Variants in ALPK1 observed in about 807,000 individuals in gnomAD.
ALPK1 encodes alpha kinase 1.
A neutral mutation model predicts 120.6 loss-of-function variants in ALPK1; 110 were observed. The observed-to-expected ratio is 0.91, with a 90% CI of 0.78 to 1.07. The LOEUF is 1.07. Ranked by LOEUF, ALPK1 falls within the 50% of genes least tolerant of loss-of-function variation. ALPK1 has a pLI of 0.00. For synonymous variants in ALPK1, 582 were observed against 560.3 expected (o/e 1.04, Z -0.55); for missense variants, 1,498 against 1,483.9 (o/e 1.01, Z -0.16).
intron 12 of ALPK1, among the ~76,000 whole-genome samples, chr4:112,436,669 G>A (rs903559545): frequency 2.0e-5 from 3 of 152,224 alleles, no homozygotes; most frequent in Non-Finnish European, 4.4e-5. Flanking sequence ...GCCTGAAACA[G>A]ATTCTTCCTT....
chr4:112,430,624 C>T lies in ALPK1; in HGVS notation c.1077C>T (p.Phe359=), dbSNP rs755631803. Residue 359 remains phenylalanine, a synonymous_variant, in exon 11 of 16, where the codon TTC becomes TTT. Transcript: ENST00000650871. ...QELHSFVKAA[F]GLTTVHRRLH... Reference sequence around the variant, plus strand: ...TTCACAGCTTTGTCAAAGCTGCTTTCGGTCTCACCACAGTGCACAGAAGGC... The same window carrying T: ...TTCACAGCTTTGTCAAAGCTGCTTTTGGTCTCACCACAGTGCACAGAAGGC... 61 of 1,614,002 alleles carry T rather than the reference C, an allele frequency of 3.8e-5. No homozygotes were observed. Among genetic ancestry groups the T allele is most frequent in the Admixed American group, 6.7e-5 (4 of 59,994 alleles).
chr4:112,433,506 A>G (rs772789213), intron 11 of ALPK1, among the ~76,000 whole-genome samples: 1 of 152,172 alleles, frequency 6.6e-6, no homozygotes, highest in Non-Finnish European at 1.5e-5. Flanking sequence ...AGACTACAGT[A>G]CCCCTACTGT....
intron 5 of ALPK1, among the ~76,000 whole-genome samples, chr4:112,418,342 T>A (rs1578556083): frequency 6.6e-6 from 1 of 152,200 alleles, no homozygotes; most frequent in Admixed American, 6.5e-5. Flanking sequence ...CTTTACAGAG[T>A]GCCAGGGGAA....
intron 2 of ALPK1, chr4:112,358,099 C>G: frequency 1.7e-6 from 1 of 584,726 alleles, no homozygotes; most frequent in Non-Finnish European, 3.3e-6. Flanking sequence ...CCTTAAGATG[C>G]GAGATGAAGG....
At chr4:112,342,075 GAGA>G (rs1267260000) in intron 2 of ALPK1, among the ~76,000 whole-genome samples, 25 of 152,268 alleles carry the variant, frequency 1.6e-4, no homozygotes, top group African/African-American at 6.0e-4. Context: ...AAATCATACA[GAGA>G]AGAAGAGAAT....
intron 4 of ALPK1, among the ~76,000 whole-genome samples, chr4:112,407,383 TG>T (rs139871861): frequency 0.016 from 2,432 of 152,222 alleles, 27 homozygotes; most frequent in Middle Eastern, 0.031. Context: ...GAAACTGAGG[TG>T]GGAGGATCAC....
At position 112,311,368 on chromosome 4, in the gene ALPK1, A is replaced by G. The variant is rs540415354; in HGVS notation, c.-152-4433A>G. Among the ~76,000 whole-genome samples the G allele has an allele frequency of 5.3e-5, 8 of 152,268 alleles. No homozygotes were observed. The South Asian group carries it at 6.2e-4, about 12-fold the overall frequency. ...CCTTTCTGTTACAATGCTTATATAT[A>G]TTATCTTAATACTCACTACAGTTTT... On this transcript the variant is annotated intron_variant, in intron 1 of 15. Coordinates refer to ENST00000650871, the MANE Select transcript of ALPK1 (RefSeq NM_025144.4).
At chr4:112,398,756 G>A (rs1560670307) in intron 4 of ALPK1, among the ~76,000 whole-genome samples, 1 of 152,192 alleles carries the variant, frequency 6.6e-6, no homozygotes, top group Non-Finnish European at 1.5e-5. Context: ...AAGCAAGACT[G>A]TAACAGTGGC....
intron 2 of ALPK1, chr4:112,358,063 C>T (rs899851060): frequency 2.7e-5 from 16 of 584,890 alleles, no homozygotes; most frequent in Middle Eastern, 2.8e-4. Context: ...GCCTCCATAG[C>T]CCCCACGCAT....
chr4:112,427,413 AT>A (rs1734287015), intron 8 of ALPK1, among the ~76,000 whole-genome samples, 156 bp from the exon 9 acceptor site: 1 of 32,850 alleles, frequency 3.0e-5, no homozygotes, highest in South Asian at 7.8e-4. Context: ...ATTTTTAAAA[AT>A]TGATTTTTAA....
chr4:112,316,729 T>C (rs888280381), intron 2 of ALPK1, among the ~76,000 whole-genome samples: 4 of 152,178 alleles, frequency 2.6e-5, no homozygotes, highest in Non-Finnish European at 4.4e-5. Context: ...ATTAGTGATA[T>C]TGGGGACTTT....
chr4:112,379,039 T>C (rs929043090), intron 3 of ALPK1, among the ~76,000 whole-genome samples: 39 of 152,216 alleles, frequency 2.6e-4, no homozygotes, highest in African/African-American at 9.2e-4. Context: ...TTGGCACCTA[T>C]AGAATATGCT....
chr4:112,325,261 A>G (rs771939888), intron 2 of ALPK1, among the ~76,000 whole-genome samples: 8 of 152,182 alleles, frequency 5.3e-5, no homozygotes, highest in Non-Finnish European at 8.8e-5. Context: ...CACGTACCAA[A>G]TTTCTTTGAA....
intron 2 of ALPK1, among the ~76,000 whole-genome samples, chr4:112,362,993 A>G (rs973941124): frequency 2.6e-5 from 4 of 152,266 alleles, no homozygotes; most frequent in African/African-American, 9.6e-5. Flanking sequence ...ATTAAGCTTC[A>G]TAAATGAAGG....
rs939617543 is a variant in ALPK1 at position 112,441,435 on chromosome 4, C to T, written c.*225C>T. ...CAAGGAAAGCAACATGGAAAACAGC[C>T]CCAACTCACCCATGAGGGATGAAAA... On this transcript the variant is annotated 3_prime_UTR_variant, in exon 16 of 16. Transcript: ENST00000650871. 3 of 593,522 alleles carry T rather than the reference C, an allele frequency of 5.1e-6. No homozygotes were observed. Among genetic ancestry groups the T allele is most frequent in the Admixed American group, 5.9e-5 (2 of 33,834 alleles). 36.8% of individuals were successfully genotyped at this position (593,522 alleles called of 1,614,324 possible). A position where few individuals can be genotyped will look rare whatever the true frequency, so the allele number is the denominator to read the frequency against.
At chr4:112,437,474 G>T (rs1046014024) in intron 12 of ALPK1, among the ~76,000 whole-genome samples, 1 of 152,194 alleles carries the variant, frequency 6.6e-6, no homozygotes, top group African/African-American at 2.4e-5. Context: ...AAATGCTCCA[G>T]TAGCCAGTAC....
intron 2 of ALPK1, among the ~76,000 whole-genome samples, chr4:112,329,941 C>T (rs927478933): frequency 1.3e-5 from 2 of 152,160 alleles, no homozygotes; most frequent in Non-Finnish European, 1.5e-5. Context: ...TCACTAAAGG[C>T]GCAGTTTATT....
intron 5 of ALPK1, among the ~76,000 whole-genome samples, chr4:112,420,076 C>T (rs1280792399): frequency 6.6e-6 from 1 of 152,160 alleles, no homozygotes; most frequent in Non-Finnish European, 1.5e-5. Context: ...TGACAAATAG[C>T]TACTGAATAT....
chr4:112,374,054 G>A (rs1731539675), intron 2 of ALPK1, among the ~76,000 whole-genome samples: 1 of 152,218 alleles, frequency 6.6e-6, no homozygotes, highest in East Asian at 1.9e-4. Flanking sequence ...TTGCTACATG[G>A]ATTGAGTCAT....
Sources: allele counts gnomAD v4.1 joint callset (sites outside exome capture counted in the v4.1 genomes callset), GRCh38; gene constraint gnomAD v4.1.1; transcripts MANE v1.5; gene names NCBI Gene and HGNC (gene_info 2026-07-23, HGNC 2026-07-21).